Variants in CADM1 observed in about 807,000 individuals in gnomAD.
The protein encoded by CADM1 is cell adhesion molecule 1.
Under a neutral mutation model 53.1 loss-of-function variants are expected in CADM1, and 15 were observed. The ratio of observed to expected loss-of-function variants is 0.28; its 90% CI spans 0.19 to 0.44. CADM1 has a LOEUF of 0.44. Among genes scored for constraint, CADM1 ranks in the 20% least tolerant of loss-of-function variants. The pLI, the probability that CADM1 is intolerant of heterozygous loss-of-function variation, is 1.00. For synonymous variants in CADM1, 281 were observed against 243.0 expected (o/e 1.16, Z -1.45); for missense variants, 434 against 611.3 (o/e 0.71, Z 3.06).
At chr11:115,461,692 TG>T (rs1948798385) in intron 1 of CADM1, among the ~76,000 whole-genome samples, 1 of 152,174 alleles carries the variant, frequency 6.6e-6, no homozygotes, top group Admixed American at 6.6e-5. Flanking sequence ...TGCTTTTTGG[TG>T]ATGGCCATAG....
intron 10 of CADM1, among the ~76,000 whole-genome samples, chr11:115,188,901 GTT>G (rs68070649): frequency 8.1e-5 from 12 of 147,308 alleles, no homozygotes; most frequent in Admixed American, 2.2e-4. Context: ...TTTATTGGTT[GTT>G]TTTTTTTTCC....
intron 1 of CADM1, among the ~76,000 whole-genome samples, chr11:115,408,732 C>G (rs527659611): frequency 1.3e-5 from 2 of 152,208 alleles, no homozygotes; most frequent in African/African-American, 4.8e-5. Flanking sequence ...CTAAATAGTC[C>G]AAATCTTGAG....
chr11:115,295,506 T>TTATATATATA (rs71066412), intron 1 of CADM1, among the ~76,000 whole-genome samples: 117 of 54,954 alleles, frequency 2.1e-3, no homozygotes, highest in Non-Finnish European at 2.7e-3. Context: ...TCAAGATATT[T>TTATATATATA]TATATATATA....
intron 1 of CADM1, among the ~76,000 whole-genome samples, chr11:115,418,527 G>A (rs1346209102): frequency 6.6e-6 from 1 of 152,076 alleles, no homozygotes; most frequent in Non-Finnish European, 1.5e-5. Flanking sequence ...ATCTGGACCA[G>A]AAATACTATT....
intron 1 of CADM1, among the ~76,000 whole-genome samples, chr11:115,340,874 C>T (rs1489889673): frequency 1.3e-5 from 2 of 150,964 alleles, no homozygotes; most frequent in Non-Finnish European, 3.0e-5. Flanking sequence ...GTTGGCCAGG[C>T]TGGTCTCAAA....
At chr11:115,181,747 T>C (rs1939321528) in intron 10 of CADM1, among the ~76,000 whole-genome samples, 1 of 152,142 alleles carries the variant, frequency 6.6e-6, no homozygotes, top group South Asian at 2.1e-4. Context: ...CAGTCCGTTC[T>C]TTTATTTCCA....
chr11:115,375,410 T>A (rs1013473441), intron 1 of CADM1, among the ~76,000 whole-genome samples: 9 of 152,186 alleles, frequency 5.9e-5, no homozygotes, highest in Non-Finnish European at 1.2e-4. Flanking sequence ...GCAAAGTTCT[T>A]GACCTCGGTA....
chr11:115,406,051 A>C (rs889793555), intron 1 of CADM1, among the ~76,000 whole-genome samples: 2 of 152,126 alleles, frequency 1.3e-5, no homozygotes. Context: ...TTACTCTTAA[A>C]TGATTCTTCA....
intron 1 of CADM1, among the ~76,000 whole-genome samples, chr11:115,488,714 T>C (rs1248637417): frequency 6.6e-6 from 1 of 152,236 alleles, no homozygotes; most frequent in Non-Finnish European, 1.5e-5. Flanking sequence ...AGATCAGTTG[T>C]AGGCAATTAA....
chr11:115,349,955 C>G (rs902646109), intron 1 of CADM1, among the ~76,000 whole-genome samples: 2 of 152,202 alleles, frequency 1.3e-5, no homozygotes, highest in Admixed American at 6.5e-5. Flanking sequence ...GCCTTACCAT[C>G]TTTTTCTTTG....
At chr11:115,209,529 C>A in intron 8 of CADM1, 45 bp downstream of exon 8, 1 of 1,469,340 alleles carries the variant, frequency 6.8e-7, no homozygotes, top group Non-Finnish European at 9.2e-7. Flanking sequence ...ACCAGAAAGA[C>A]AATATACATT....
At chr11:115,194,925 A>T (rs1426899122) in intron 9 of CADM1, among the ~76,000 whole-genome samples, 1 of 152,144 alleles carries the variant, frequency 6.6e-6, no homozygotes, top group Non-Finnish European at 1.5e-5. Flanking sequence ...GAACATAATG[A>T]CTACACCATC....
At chr11:115,313,014 A>G (rs1944571160) in intron 1 of CADM1, among the ~76,000 whole-genome samples, 1 of 148,994 alleles carries the variant, frequency 6.7e-6, no homozygotes, top group African/African-American at 2.5e-5. Flanking sequence ...ATCCTTGGAG[A>G]AAAAAAAAAC....
At chr11:115,303,718 C>A (rs1944293550) in intron 1 of CADM1, among the ~76,000 whole-genome samples, 1 of 152,034 alleles carries the variant, frequency 6.6e-6, no homozygotes, top group African/African-American at 2.4e-5. Context: ...GCAGATTTTA[C>A]TCCCCCTCCC....
intron 1 of CADM1, among the ~76,000 whole-genome samples, chr11:115,244,986 A>G (rs953658829): frequency 3.9e-5 from 6 of 152,214 alleles, no homozygotes; most frequent in Non-Finnish European, 4.4e-5. Context: ...CTGTTCATCA[A>G]TAAAGCACTT....
intron 1 of CADM1, among the ~76,000 whole-genome samples, chr11:115,372,125 CATATA>C (rs1295441011): frequency 1.3e-5 from 2 of 152,130 alleles, no homozygotes; most frequent in African/African-American, 4.8e-5. Context: ...CTAGTAAGAT[CATATA>C]ATATATTCTT....
chr11:115,447,735 G>A, intron 1 of CADM1, among the ~76,000 whole-genome samples: 1 of 152,108 alleles, frequency 6.6e-6, no homozygotes, highest in East Asian at 1.9e-4. Flanking sequence ...AGACAATTTT[G>A]TATCAGAGTG....
intron 1 of CADM1, among the ~76,000 whole-genome samples, chr11:115,502,775 C>T (rs576488578): frequency 1.3e-5 from 2 of 152,264 alleles, no homozygotes; most frequent in East Asian, 3.9e-4. Context: ...CCCCACACAT[C>T]CCCCGTCTCC....
intron 9 of CADM1, among the ~76,000 whole-genome samples, chr11:115,194,564 G>A (rs1395241120): frequency 5.3e-5 from 8 of 152,172 alleles, no homozygotes; most frequent in Non-Finnish European, 8.8e-5. Context: ...ACTCATTGGG[G>A]ATATGAAAAT....
Sources: gnomAD v4.1 joint callset for allele counts (sites outside exome capture counted in the v4.1 genomes callset) on GRCh38, gnomAD v4.1.1 for gene constraint, MANE v1.5 for transcripts, NCBI Gene and HGNC (gene_info 2026-07-23, HGNC 2026-07-21) for gene names.